The following ZNF141 variants were observed in gnomAD, a reference collection of about 807,000 sequenced individuals.
ZNF141 encodes zinc finger protein 141 (clone pHZ-44).
A neutral mutation model predicts 11.3 loss-of-function variants in ZNF141; 7 were observed. That is an observed-to-expected ratio of 0.62 (90% confidence interval 0.35 to 1.16). The LOEUF is 1.16. Among genes scored for constraint, ZNF141 ranks in the 50% most tolerant of loss-of-function variants. ZNF141 has a pLI of 0.02. For missense variants in ZNF141, 535 were observed against 554.0 expected (o/e 0.97, Z 0.34); for synonymous variants, 183 against 190.7 (o/e 0.96, Z 0.33).
At chr4:342,906 C>T (rs1466264207) in intron 1 of ZNF141, 6 of 1,594,656 alleles carry the variant, frequency 3.8e-6, no homozygotes, top group Non-Finnish European at 4.3e-6. Flanking sequence ...CCAAAAGCTT[C>T]AGCATTTCCT....
At position 377,640 on chromosome 4, in the gene ZNF141, G is replaced by A. The variant is rs1010283866; in HGVS notation, c.*3778G>A. Among the ~76,000 whole-genome samples, 3 of 152,130 alleles carry A rather than the reference G, an allele frequency of 2.0e-5. No individual in the cohort carries two copies. Among genetic ancestry groups the A allele is most frequent in the Non-Finnish European group, 4.4e-5 (3 of 68,022 alleles). On this transcript the variant is annotated 3_prime_UTR_variant, in exon 4 of 4. Transcript: ENST00000240499. ...TTATAGGTTATCAGTGCAACATTTA[G>A]ATCACTTGAGATAAGAGTAATTCAC...
rs78631276 is a variant in ZNF141, at chr4:368,024, A to T, written c.227-4640A>T. Among the ~76,000 whole-genome samples the T allele has an allele frequency of 8.3e-3, 1,270 of 152,210 alleles. 16 individuals are homozygous for T. Among genetic ancestry groups the T allele is most frequent in the South Asian group, 0.039 (186 of 4,830 alleles). On this transcript the variant is annotated intron_variant, in intron 3 of 3. Transcript: ENST00000240499. Reference sequence around the variant, plus strand: ...TAACACTCATACACATTAAACAACTACCTACTTTTTCTGTTTTCTGGCCCT... The same window carrying T: ...TAACACTCATACACATTAAACAACTTCCTACTTTTTCTGTTTTCTGGCCCT...
At chr4:350,066 G>C (rs1194300973) in intron 3 of ZNF141, 1 of 503,312 alleles carries the variant, frequency 2.0e-6, no homozygotes, top group African/African-American at 1.9e-5. Context: ...GGCTGGGTGT[G>C]TATCTCCCTG....
At position 382,873 on chromosome 4, in the gene ZNF141, C is replaced by A. The variant is rs767017471; in HGVS notation, c.*9011C>A. On this transcript the variant is annotated 3_prime_UTR_variant, in exon 4 of 4. Transcript: ENST00000240499. Reference sequence around the variant, plus strand: ...AGCTGTGGGATAGTTACACAAGACACATCTACAAGAAAAGTCATGATAAAA... The same window carrying A: ...AGCTGTGGGATAGTTACACAAGACAAATCTACAAGAAAAGTCATGATAAAA... 1.2e-5 allele frequency: 5 copies of A among 410,798 alleles called. No individual in the cohort carries two copies. The highest frequency in any genetic ancestry group is 2.2e-5 in the Non-Finnish European group (5 of 228,156). The allele number at this position is 410,798 out of a possible 1,614,324, so 25.4% of individuals were successfully genotyped here.
At chr4:369,735 GAGATATATATATATAT>G (rs1211533468) in intron 3 of ZNF141, among the ~76,000 whole-genome samples, 2 of 16,160 alleles carry the variant, frequency 1.2e-4, no homozygotes, top group South Asian at 3.2e-3. Context: ...ATTTCTTAAA[GAGATATATATATATAT>G]ATATATATAT....
In ZNF141 at chr4:378,594, G is replaced by A. The variant is rs1712475068; in HGVS notation, c.*4732G>A. ...GAATATTATATCTTTGAGTGTGAAT[G>A]TTAAATGGTGGAAAAACAATAGAAT... On this transcript the variant is annotated 3_prime_UTR_variant, in exon 4 of 4. Coordinates refer to ENST00000240499, the MANE Select transcript of ZNF141 (RefSeq NM_003441.4). Among the ~76,000 whole-genome samples the A allele has an allele frequency of 3.3e-5, 5 of 152,140 alleles. No individual in the cohort carries two copies. In the South Asian group the frequency reaches 1.0e-3, roughly 32 times the overall value.
In ZNF141 at chr4:374,074, G is replaced by A. The variant is rs1712233113; in HGVS notation, c.*212G>A. ...GAAGAATATGGCAAAGCCTGTGAAT[G>A]GTCCACAAACCTGAATGAGCAGAAG... On this transcript the variant is annotated 3_prime_UTR_variant, in exon 4 of 4. Coordinates refer to ENST00000240499, the MANE Select transcript of ZNF141 (RefSeq NM_003441.4). 1 of 589,268 alleles carries A rather than the reference G, an allele frequency of 1.7e-6. No homozygotes were observed. Among genetic ancestry groups the A allele is most frequent in the South Asian group, 2.2e-5 (1 of 44,476 alleles). 36.5% of individuals were successfully genotyped at this position (589,268 alleles called of 1,614,324 possible).
At chr4:343,483 T>C (rs1553848835) in intron 1 of ZNF141, among the ~76,000 whole-genome samples, 1 of 152,076 alleles carries the variant, frequency 6.6e-6, no homozygotes, top group Admixed American at 6.5e-5. Context: ...CCCAGCACTG[T>C]GGGAGGCCGA....
Position 372,825 on chromosome 4 carries a change from T to A in ZNF141, c.388T>A (p.Tyr130Asn). The change falls in exon 4 of 4, where the codon TAT becomes AAT. Residue 130 changes from tyrosine (Y) to asparagine (N), a missense_variant. Coordinates refer to ENST00000240499, the MANE Select transcript of ZNF141 (RefSeq NM_003441.4). ...LNECKLQKGG[Y>N]NEFNECLSTT... ...TGAGTGTAAGTTGCAGAAAGGAGGT[T>A]ATAATGAATTTAATGAATGCTTGTC... 1 of 1,613,372 alleles carries A rather than the reference T, an allele frequency of 6.2e-7. No homozygotes were observed. The highest frequency in any genetic ancestry group is 1.1e-5 in the South Asian group (1 of 91,054).
chr4:342,683 T>C, intron 1 of ZNF141: 9 of 867,178 alleles, frequency 1.0e-5, no homozygotes, highest in Admixed American at 2.0e-5. Flanking sequence ...ATGGACAGTT[T>C]GAAGAGAAAC....
At position 376,395 on chromosome 4, in the gene ZNF141, G is replaced by A. The variant is rs1712365671; in HGVS notation, c.*2533G>A. Among the ~76,000 whole-genome samples, 1 of 151,966 alleles carries A rather than the reference G, an allele frequency of 6.6e-6. No homozygotes were observed. Among genetic ancestry groups the A allele is most frequent in the South Asian group, 2.1e-4 (1 of 4,832 alleles). ...ATTTTCTTATACAGGCATACAACAT[G>A]TAATATACCAGAGTAAATGAGTTAT... On this transcript the variant is annotated 3_prime_UTR_variant, in exon 4 of 4. Transcript: ENST00000240499.
intron 3 of ZNF141, among the ~76,000 whole-genome samples, chr4:368,613 A>G (rs1711866146): frequency 6.6e-6 from 1 of 152,190 alleles, no homozygotes; most frequent in Admixed American, 6.5e-5. Flanking sequence ...AGAAATTTTC[A>G]TTACTTTCAT....
At chr4:368,823 C>T (rs567639353) in intron 3 of ZNF141, among the ~76,000 whole-genome samples, 1 of 152,230 alleles carries the variant, frequency 6.6e-6, no homozygotes, top group African/African-American at 2.4e-5. Flanking sequence ...GACATTGTTA[C>T]TCTTTTTGAA....
rs1221553804 is a variant in ZNF141, at chr4:339,070, A to G, written c.3+1084A>G. On this transcript the variant is annotated intron_variant, in intron 1 of 3. Coordinates refer to ENST00000240499, the MANE Select transcript of ZNF141 (RefSeq NM_003441.4). ...TGCTGCCAGCCCCCACCCAATGCTA[A>G]CCCACTCCTGAGCCCGCCCATTGGG... 2.0e-5 allele frequency among the ~76,000 whole-genome samples: 3 copies of G among 152,140 alleles called. No individual in the cohort carries two copies. The East Asian group carries it at 5.8e-4, about 29-fold the overall frequency.
rs1247106157 is a variant in ZNF141 at position 373,203 on chromosome 4, A to G, written c.766A>G (p.Lys256Glu). The G allele has an allele frequency of 1.2e-6, 2 of 1,613,848 alleles. No homozygotes were observed. The highest frequency in any genetic ancestry group is 2.2e-5 in the East Asian group (1 of 44,864). The change falls in exon 4 of 4, where the codon AAA (lysine) becomes GAA (glutamate). Residue 256 changes from lysine to glutamate, a missense_variant. Transcript: ENST00000240499. ...KIIHTGEKPY[K>E]CEECGKAFNR... The stretch of plus-strand genomic sequence containing the variant: ...AATTCATACTGGAGAAAAACCCTAT[A>G]AATGTGAAGAATGTGGCAAAGCCTT...
rs1553854910 is a variant in ZNF141, at chr4:378,109, G to GAGCTGATGTTGTGCCACTGCAGTGC, written c.*4251_*4275dup. ...GAACCCAGGATGCAGAGGTTGCAGT[G>GAGCTGATGTTGTGCCACTGCAGTGC]AGCTGATGTTGTGCCACTGCAGTGC... On this transcript the variant is annotated 3_prime_UTR_variant, in exon 4 of 4. Transcript: ENST00000240499. 6.6e-6 allele frequency: 1 copy of GAGCTGATGTTGTGCCACTGCAGTGC among 152,098 alleles called. No individual in the cohort carries two copies. Among genetic ancestry groups the GAGCTGATGTTGTGCCACTGCAGTGC allele is most frequent in the African/African-American group, 2.4e-5 (1 of 41,406 alleles). 9.4% of individuals were successfully genotyped at this position (152,098 alleles called of 1,614,324 possible).
At chr4:343,000 A>G (rs1165494873) in intron 1 of ZNF141, 7 of 880,280 alleles carry the variant, frequency 8.0e-6, no homozygotes, top group African/African-American at 3.4e-5. Flanking sequence ...TGGTTAAAAA[A>G]GTATTAAAAA....
intron 3 of ZNF141, among the ~76,000 whole-genome samples, chr4:360,657 T>C (rs1274719787): frequency 6.6e-6 from 1 of 152,196 alleles, no homozygotes; most frequent in African/African-American, 2.4e-5. Context: ...TTTTCAACTT[T>C]GTACCTTTTA....
rs1305669870 is a variant in ZNF141, at chr4:381,014, T to G, written c.*7152T>G. 3.3e-5 allele frequency among the ~76,000 whole-genome samples: 5 copies of G among 152,210 alleles called. No homozygotes were observed. Among genetic ancestry groups the G allele is most frequent in the Non-Finnish European group, 7.3e-5 (5 of 68,040 alleles). ...GGAACAGCTTTCCTTTCAACTGTCC[T>G]TCACCACCCCTTTAGCAATTCAGAA... is the stretch of plus-strand genomic sequence containing the variant. On this transcript the variant is annotated 3_prime_UTR_variant, in exon 4 of 4. Coordinates refer to ENST00000240499, the MANE Select transcript of ZNF141 (RefSeq NM_003441.4).
Sources: allele counts gnomAD v4.1 joint callset (sites outside exome capture counted in the v4.1 genomes callset), GRCh38; gene constraint gnomAD v4.1.1; transcripts MANE v1.5; gene names NCBI Gene and HGNC (gene_info 2026-07-23, HGNC 2026-07-21).